The following SGPL1 variants were observed in gnomAD, a reference collection of about 807,000 sequenced individuals.
SGPL1 encodes sphingosine-1-phosphate lyase 1, also known as SP-lyase 1.
Under a neutral mutation model 68.9 loss-of-function variants are expected in SGPL1, and 37 were observed. The ratio of observed to expected loss-of-function variants is 0.54; its 90% confidence interval spans 0.41 to 0.71. SGPL1 has a LOEUF of 0.71. Ranked by LOEUF, SGPL1 falls within the 30% of genes least tolerant of loss-of-function variation. The probability of loss-of-function intolerance (pLI) is 0.00; values close to 1 mark genes in which losing one functional copy is unlikely to be tolerated. For synonymous variants in SGPL1, 236 were observed against 248.5 expected (o/e 0.95, Z 0.47); for missense variants, 551 against 704.6 (o/e 0.78, Z 2.47).
At chr10:70,848,323 A>G (rs1845822370) in intron 3 of SGPL1, among the ~76,000 whole-genome samples, 2 of 152,174 alleles carry the variant, frequency 1.3e-5, no homozygotes, top group African/African-American at 4.8e-5. Context: ...GGCATTTTCT[A>G]TTTTGTTAAA....
intron 9 of SGPL1, 95 bp downstream of exon 9, chr10:70,869,992 T>A: frequency 1.1e-6 from 1 of 891,844 alleles, no homozygotes; most frequent in Non-Finnish European, 1.8e-6. Flanking sequence ...TGGGTCTGAC[T>A]GCCTTTGATT....
intron 2 of SGPL1, among the ~76,000 whole-genome samples, chr10:70,826,150 A>G (rs1845432020): frequency 6.6e-6 from 1 of 152,224 alleles, no homozygotes; most frequent in East Asian, 1.9e-4. Context: ...ACACTACCGC[A>G]CTCCAGCCTG....
At chr10:70,830,029 ACT>A (rs369997073) in intron 2 of SGPL1, among the ~76,000 whole-genome samples, 3 of 152,042 alleles carry the variant, frequency 2.0e-5, no homozygotes, top group African/African-American at 7.2e-5. Context: ...CCAGAGCTTT[ACT>A]CTCTATTTCT....
At chr10:70,833,697 A>G (rs1171947014) in intron 2 of SGPL1, among the ~76,000 whole-genome samples, 1 of 152,152 alleles carries the variant, frequency 6.6e-6, no homozygotes, top group African/African-American at 2.4e-5. Flanking sequence ...GAATAAATAT[A>G]CTAACTGAGT....
chr10:70,848,454 CT>C (rs55860254), intron 3 of SGPL1, among the ~76,000 whole-genome samples: 323 of 70,638 alleles, frequency 4.6e-3, no homozygotes, highest in African/African-American at 0.018. Flanking sequence ...ACCTCACGTA[CT>C]TTTTTTTTTT....
chr10:70,844,844 A>G (rs1386334813), intron 3 of SGPL1, among the ~76,000 whole-genome samples: 1 of 152,102 alleles, frequency 6.6e-6, no homozygotes, highest in East Asian at 1.9e-4. Context: ...GGTTCAAGTG[A>G]TTCTCCTACC....
At chr10:70,827,034 G>C (rs749695779) in intron 2 of SGPL1, among the ~76,000 whole-genome samples, 1 of 152,108 alleles carries the variant, frequency 6.6e-6, no homozygotes, top group African/African-American at 2.4e-5. Context: ...GAGTTTTTCT[G>C]GGATTTGTGC....
intron 2 of SGPL1, among the ~76,000 whole-genome samples, chr10:70,833,523 A>T (rs1336453486): frequency 6.6e-6 from 1 of 152,154 alleles, no homozygotes; most frequent in Non-Finnish European, 1.5e-5. Context: ...TGTGTTTTTG[A>T]TGATAAACTT....
chr10:70,846,734 A>G (rs536349962), intron 3 of SGPL1, among the ~76,000 whole-genome samples: 1 of 152,258 alleles, frequency 6.6e-6, no homozygotes, highest in Non-Finnish European at 1.5e-5. Flanking sequence ...TGCTATGATT[A>G]ATATTAATTT....
At chr10:70,862,435 G>C (rs1263537613) in intron 7 of SGPL1, among the ~76,000 whole-genome samples, 1 of 152,160 alleles carries the variant, frequency 6.6e-6, no homozygotes, top group Non-Finnish European at 1.5e-5. Context: ...CTACCAATCA[G>C]CAGGATGTGG....
intron 7 of SGPL1, among the ~76,000 whole-genome samples, chr10:70,867,361 G>C (rs1392266070): frequency 6.6e-6 from 1 of 152,120 alleles, no homozygotes. Context: ...CCAGGAGCTT[G>C]AGACCAGCCT....
chr10:70,846,365 C>A (rs912823423), intron 3 of SGPL1, among the ~76,000 whole-genome samples: 3 of 103,236 alleles, frequency 2.9e-5, no homozygotes, highest in African/African-American at 1.1e-4. Flanking sequence ...AATATACTTT[C>A]TTTTTATTTT....
intron 7 of SGPL1, among the ~76,000 whole-genome samples, chr10:70,864,758 G>A (rs1462546864): frequency 6.6e-6 from 1 of 152,044 alleles, no homozygotes; most frequent in Non-Finnish European, 1.5e-5. Context: ...TCTTGGGGTG[G>A]CATTCTCCAG....
In SGPL1 at chr10:70,844,601, G is replaced by C; in HGVS notation, c.156G>C (p.Leu52=). ...LIAWSVVWTL[L]IVWGYEFVFQ... ...CATGGAGTGTCGTGTGGACCCTGCT[G>C]ATAGTCTGGGGATATGAGTTTGTCT... Residue 52 remains leucine, a synonymous_variant, in exon 3 of 15, where the codon CTG becomes CTC. Transcript: ENST00000373202. 1.2e-6 allele frequency: 2 copies of C among 1,614,100 alleles called. No individual in the cohort carries two copies. Among genetic ancestry groups the C allele is most frequent in the Admixed American group, 1.7e-5 (1 of 60,026 alleles).
At chr10:70,854,678 T>C (rs1845936157) in intron 4 of SGPL1, 30 bp from the exon 5 acceptor site, 1 of 1,590,474 alleles carries the variant, frequency 6.3e-7, no homozygotes, top group Non-Finnish European at 8.6e-7. Context: ...CTCTTGCATC[T>C]GGATAACTTT....
Position 70,875,537 on chromosome 10 carries a change from G to C in SGPL1, c.1434G>C (p.Gln478His). ...TAKGWNLNQL[Q>H]FPPSIHFCIT... ...AGGGGTGGAACTTGAACCAGTTGCA[G>C]TTCCCACCCAGGTAAGCTTGAAGAA... The change falls in exon 13 of 15, where the codon CAG (glutamine) becomes CAC (histidine). Residue 478 changes from glutamine to histidine, a missense_variant. Physicochemically the swap from Gln to His is conservative, Grantham distance 24. Transcript: ENST00000373202. 6.2e-7 allele frequency: 1 copy of C among 1,609,180 alleles called. No homozygotes were observed. The highest frequency in any genetic ancestry group is 8.5e-7 in the Non-Finnish European group (1 of 1,177,566).
chr10:70,845,787 G>C (rs1300839187), intron 3 of SGPL1, among the ~76,000 whole-genome samples: 4 of 152,004 alleles, frequency 2.6e-5, no homozygotes, highest in African/African-American at 9.7e-5. Flanking sequence ...CTCTTAGTAG[G>C]GTATGGGAGT....
intron 2 of SGPL1, among the ~76,000 whole-genome samples, chr10:70,828,676 G>T (rs545769681): frequency 6.6e-6 from 1 of 152,186 alleles, no homozygotes; most frequent in African/African-American, 2.4e-5. Context: ...TAAAATATTT[G>T]TAGTAGTTAA....
intron 2 of SGPL1, among the ~76,000 whole-genome samples, chr10:70,835,856 A>G (rs1246977207): frequency 6.6e-6 from 1 of 152,220 alleles, no homozygotes; most frequent in African/African-American, 2.4e-5. Context: ...AGAGATCAGT[A>G]AAATCATTAG....
Sources: allele counts gnomAD v4.1 joint callset (sites outside exome capture counted in the v4.1 genomes callset), GRCh38; gene constraint gnomAD v4.1.1; transcripts MANE v1.5; gene names NCBI Gene and HGNC (gene_info 2026-07-23, HGNC 2026-07-21).